Variants in PTPRM observed in about 807,000 individuals in gnomAD.
PTPRM encodes the protein receptor-type tyrosine-protein phosphatase mu.
Under a neutral mutation model 186.7 loss-of-function variants are expected in PTPRM, and 47 were observed. That is an observed-to-expected ratio of 0.25 (90% confidence interval 0.20 to 0.32). The LOEUF (loss-of-function observed/expected upper bound fraction) is 0.32. PTPRM is among the 10% of genes least tolerant of loss of function. PTPRM has a pLI of 1.00. For missense variants in PTPRM, 1,494 were observed against 1,865.0 expected (o/e 0.80, Z 3.66); for synonymous variants, 668 against 674.9 (o/e 0.99, Z 0.16).
intron 24 of PTPRM, 145 bp from the exon 25 acceptor site, chr18:8,375,901 G>A (rs1489499137): frequency 1.2e-6 from 1 of 805,302 alleles, no homozygotes; most frequent in East Asian, 2.5e-5. Context: ...GAGATCTAAG[G>A]ATGGCCTCTT....
rs531578800 is a variant in PTPRM, at chr18:8,242,456, C to G, written c.2301-1602C>G. Among the ~76,000 whole-genome samples the G allele has an allele frequency of 1.8e-4, 27 of 152,298 alleles. 1 individual carries two copies. In the South Asian group the frequency reaches 5.2e-3, roughly 29 times the overall value. The stretch of plus-strand genomic sequence containing the variant: ...ATGTGTTGAGAACACCCAGGCTCAA[C>G]TAGCATGGCTAGCTGGGAGGAGAGA... On this transcript the variant is annotated intron_variant, in intron 14 of 32. Transcript: ENST00000580170.
intron 2 of PTPRM, among the ~76,000 whole-genome samples, chr18:7,790,940 A>G (rs1180049574): frequency 2.0e-5 from 3 of 152,092 alleles, no homozygotes; most frequent in Non-Finnish European, 4.4e-5. Flanking sequence ...AAAATAACTC[A>G]CCAAACATGA....
intron 1 of PTPRM, among the ~76,000 whole-genome samples, chr18:7,768,600 G>A (rs1021549423): frequency 6.6e-6 from 1 of 151,770 alleles, no homozygotes; most frequent in Non-Finnish European, 1.5e-5. Flanking sequence ...AGTAGCCCAC[G>A]AAGTCATTGT....
At chr18:8,120,518 T>C (rs2092131693) in intron 13 of PTPRM, among the ~76,000 whole-genome samples, 1 of 148,934 alleles carries the variant, frequency 6.7e-6, no homozygotes, top group Admixed American at 6.7e-5. Flanking sequence ...CTTGAGACAG[T>C]GTCTTCCTCT....
chr18:7,855,132 C>T (rs2047034256), intron 2 of PTPRM, among the ~76,000 whole-genome samples: 1 of 152,134 alleles, frequency 6.6e-6, no homozygotes, highest in African/African-American at 2.4e-5. Context: ...TTCTCCTTCT[C>T]CCCTGGTGGA....
At chr18:8,249,945 G>C (rs2094512093) in intron 17 of PTPRM, among the ~76,000 whole-genome samples, 1 of 149,078 alleles carries the variant, frequency 6.7e-6, no homozygotes, top group African/African-American at 2.4e-5. Flanking sequence ...ACGTTACTTG[G>C]TGCAAATGTG....
rs936331114 is a variant in PTPRM, at chr18:8,364,041, T to C, written c.3055-6849T>C. 2.6e-5 allele frequency among the ~76,000 whole-genome samples: 4 copies of C among 152,336 alleles called. 1 individual carries two copies. The highest frequency in any genetic ancestry group is 2.6e-4 in the Admixed American group (4 of 15,304). ...ATGAAAGAGGGATTTACTTATGATA[T>C]GAAGTTATTTCCCAAACTGAAACTA... On this transcript the variant is annotated intron_variant, in intron 23 of 32. Transcript: ENST00000580170.
intron 2 of PTPRM, among the ~76,000 whole-genome samples, chr18:7,851,034 T>G (rs557577409): frequency 6.6e-6 from 1 of 152,278 alleles, no homozygotes; most frequent in South Asian, 2.1e-4. Flanking sequence ...CTAATTCTGT[T>G]AAAAAGTGAA....
chr18:7,573,619 C>T (rs1437059791), intron 1 of PTPRM, among the ~76,000 whole-genome samples: 4 of 152,002 alleles, frequency 2.6e-5, no homozygotes, highest in African/African-American at 9.7e-5. Flanking sequence ...GACAAAGTCT[C>T]GCTCTTGTCC....
At chr18:8,201,182 G>T (rs1296654939) in intron 14 of PTPRM, among the ~76,000 whole-genome samples, 1 of 152,100 alleles carries the variant, frequency 6.6e-6, no homozygotes. Context: ...CAGGCATGGT[G>T]GTGCGCACCT....
chr18:7,807,217 T>G (rs185489790), intron 2 of PTPRM, among the ~76,000 whole-genome samples: 9 of 152,340 alleles, frequency 5.9e-5, no homozygotes, highest in Admixed American at 5.9e-4. Flanking sequence ...AGTGCTGATA[T>G]AGAGTAGATT....
rs573377433 is a variant in PTPRM, at chr18:8,214,733, G to A, written c.2301-29325G>A. Among the ~76,000 whole-genome samples the A allele has an allele frequency of 2.6e-5, 4 of 152,124 alleles. No homozygotes were observed. The South Asian group carries it at 6.2e-4, about 24-fold the overall frequency. On this transcript the variant is annotated intron_variant, in intron 14 of 32. Coordinates refer to ENST00000580170, the MANE Select transcript of PTPRM (RefSeq NM_001105244.2). Reference sequence around the variant, plus strand: ...GGCTGGAGTGCAATGGCGCAATCTCGGTCCACTGCAACTTCAGCCTCCCAG... The same window carrying A: ...GGCTGGAGTGCAATGGCGCAATCTCAGTCCACTGCAACTTCAGCCTCCCAG...
At chr18:7,619,765 C>T (rs936078641) in intron 1 of PTPRM, among the ~76,000 whole-genome samples, 4 of 152,186 alleles carry the variant, frequency 2.6e-5, no homozygotes, top group Admixed American at 1.3e-4. Flanking sequence ...TTCGGACTCT[C>T]CTCCTGCGCA....
At chr18:8,210,278 T>G (rs2093985557) in intron 14 of PTPRM, among the ~76,000 whole-genome samples, 1 of 151,968 alleles carries the variant, frequency 6.6e-6, no homozygotes, top group Non-Finnish European at 1.5e-5. Context: ...ACCACTGCAT[T>G]CCAGCCAAGG....
rs2085161916 is a variant in PTPRM, at chr18:8,020,699, G to T, written c.1133-48987G>T. Among the ~76,000 whole-genome samples the T allele has an allele frequency of 2.6e-5, 4 of 152,204 alleles. No homozygotes were observed. In the South Asian group the frequency reaches 6.2e-4, roughly 24 times the overall value. Reference sequence around the variant, plus strand: ...AATCATGGTTTATTGATATTGTGCTGCACACTATTCTTTCCGAGTTTTTTC... The same window carrying T: ...AATCATGGTTTATTGATATTGTGCTTCACACTATTCTTTCCGAGTTTTTTC... On this transcript the variant is annotated intron_variant, in intron 7 of 32. Transcript: ENST00000580170.
rs76399754 is a variant in PTPRM at position 8,256,746 on chromosome 18, C to T, written c.2754+3332C>T. 4.7e-3 allele frequency among the ~76,000 whole-genome samples: 712 copies of T among 152,230 alleles called. 5 individuals are homozygous for T. Among genetic ancestry groups the T allele is most frequent in the African/African-American group, 0.016 (671 of 41,528 alleles). On this transcript the variant is annotated intron_variant, in intron 19 of 32. Transcript: ENST00000580170. Reference sequence around the variant, plus strand: ...AGTAACTTACACATAAATAGGTAGACTTGATTCTATGGATTAAGAGTTTAA... The same window carrying T: ...AGTAACTTACACATAAATAGGTAGATTTGATTCTATGGATTAAGAGTTTAA...
At chr18:8,331,413 A>G (rs1287210479) in intron 22 of PTPRM, among the ~76,000 whole-genome samples, 1 of 152,212 alleles carries the variant, frequency 6.6e-6, no homozygotes, top group African/African-American at 2.4e-5. Flanking sequence ...ACCATGTTTT[A>G]TGTCAGTAAC....
intron 7 of PTPRM, among the ~76,000 whole-genome samples, chr18:8,043,757 C>A (rs946704981): frequency 6.6e-6 from 1 of 152,044 alleles, no homozygotes; most frequent in Admixed American, 6.6e-5. Context: ...CCAGCATGAT[C>A]TAAGGTCACC....
chr18:8,120,809 A>G (rs928924329), intron 13 of PTPRM, among the ~76,000 whole-genome samples: 2 of 152,052 alleles, frequency 1.3e-5, no homozygotes, highest in African/African-American at 2.4e-5. Context: ...CTGTTTTTCT[A>G]TAAAACAATT....
Sources: allele counts gnomAD v4.1 joint callset (sites outside exome capture counted in the v4.1 genomes callset), GRCh38; gene constraint gnomAD v4.1.1; transcripts MANE v1.5; gene names NCBI Gene and HGNC (gene_info 2026-07-23, HGNC 2026-07-21).